PAK6: variants seen among roughly 807,000 people sequenced by gnomAD.
PAK6 encodes p21 (RAC1) activated kinase 6, also known as serine/threonine-protein kinase PAK 6.
A neutral mutation model predicts 60.8 loss-of-function variants in PAK6; 33 were observed. The ratio of observed to expected loss-of-function variants is 0.54; its 90% CI spans 0.41 to 0.73. PAK6 has a LOEUF of 0.73. PAK6 is among the 30% of genes least tolerant of loss of function. The probability of loss-of-function intolerance (pLI) is 0.00; values close to 1 mark genes in which losing one functional copy is unlikely to be tolerated. For missense variants in PAK6, 845 were observed against 904.1 expected (o/e 0.93, Z 0.84); for synonymous variants, 404 against 378.5 (o/e 1.07, Z -0.78).
chr15:40,267,867 C>A (rs976195605), intron 5 of PAK6, among the ~76,000 whole-genome samples: 5 of 152,288 alleles, frequency 3.3e-5, no homozygotes, highest in African/African-American at 1.2e-4. Flanking sequence ...GTGCACCCTG[C>A]TGGGAAGGTG....
At chr15:40,252,124 G>T in intron 2 of PAK6, 1 of 432,968 alleles carries the variant, frequency 2.3e-6, no homozygotes, top group Non-Finnish European at 3.9e-6. Flanking sequence ...GTCCACATGG[G>T]ACAGATCATC....
chr15:40,252,508 G>A (rs778663383), intron 2 of PAK6: 13 of 1,363,434 alleles, frequency 9.5e-6, no homozygotes, highest in South Asian at 4.5e-5. Context: ...CGCGCTCTGG[G>A]TTCGCCGCCG....
At chr15:40,244,000 A>G (rs2038428393) in intron 2 of PAK6, among the ~76,000 whole-genome samples, 1 of 152,200 alleles carries the variant, frequency 6.6e-6, no homozygotes, top group South Asian at 2.1e-4. Context: ...AGGCCACGGC[A>G]GGCTCCTGGA....
At chr15:40,257,816 C>G (rs1014064448) in intron 3 of PAK6, among the ~76,000 whole-genome samples, 8 of 152,104 alleles carry the variant, frequency 5.3e-5, no homozygotes, top group Non-Finnish European at 7.4e-5. Context: ...CACAGTGCAG[C>G]TGCTTTTCTC....
intron 4 of PAK6, 74 bp from the exon 5 acceptor site, chr15:40,265,768 A>G (rs1595592291): frequency 7.3e-7 from 1 of 1,371,852 alleles, no homozygotes; most frequent in Admixed American, 2.5e-5. Flanking sequence ...ACATTCTCTG[A>G]CCCTGATCTC....
chr15:40,252,133 T>G (rs2038686567), intron 2 of PAK6: 1 of 462,402 alleles, frequency 2.2e-6, no homozygotes, highest in Admixed American at 4.1e-5. Flanking sequence ...GGACAGATCA[T>G]CCAAGGTGAC....
chr15:40,264,018 C>A, intron 3 of PAK6: 1 of 449,876 alleles, frequency 2.2e-6, no homozygotes, highest in Non-Finnish European at 4.5e-6. Flanking sequence ...AAGTTAGCTG[C>A]CCCTCACCCA....
At chr15:40,247,848 T>G (rs1301962740) in intron 2 of PAK6, among the ~76,000 whole-genome samples, 1 of 152,178 alleles carries the variant, frequency 6.6e-6, no homozygotes, top group Non-Finnish European at 1.5e-5. Context: ...GGACGAATCC[T>G]GGGATTCTAC....
intron 2 of PAK6, 198 bp from the exon 3 acceptor site, chr15:40,252,980 G>T (rs1228103174): frequency 1.2e-5 from 7 of 585,488 alleles, no homozygotes; most frequent in Non-Finnish European, 1.7e-5. Flanking sequence ...GGGCCGCCCC[G>T]GAAGCGGTGC....
intron 3 of PAK6, chr15:40,264,490 C>T (rs763913912): frequency 7.3e-6 from 4 of 549,772 alleles, no homozygotes; most frequent in South Asian, 4.7e-5. Context: ...TAAAAACACA[C>T]CCCCAGAGTC....
chr15:40,256,587 C>T (rs969013452), intron 3 of PAK6, among the ~76,000 whole-genome samples: 1 of 152,104 alleles, frequency 6.6e-6, no homozygotes, highest in Non-Finnish European at 1.5e-5. Flanking sequence ...TAGGCCCTTC[C>T]CCAGAGTGTC....
intron 2 of PAK6, chr15:40,252,766 T>G: frequency 7.7e-7 from 1 of 1,301,370 alleles, no homozygotes; most frequent in Non-Finnish European, 1.0e-6. Context: ...CCTTCCTGGG[T>G]GCCCATGCCC....
rs957573341 is a variant in PAK6 at position 40,257,860 on chromosome 15, C to T, written c.-6+4571C>T. Among the ~76,000 whole-genome samples, 22 of 152,264 alleles carry T rather than the reference C, an allele frequency of 1.4e-4. No homozygotes were observed. In the East Asian group the frequency reaches 2.1e-3, roughly 15 times the overall value. On this transcript the variant is annotated intron_variant, in intron 3 of 10. Transcript: ENST00000560346. Reference sequence around the variant, plus strand: ...ACACTAGACCAGCCAAGCCTCAGTGCCATGCTCTGGGAATCCCCTTGTCTC... The same window carrying T: ...ACACTAGACCAGCCAAGCCTCAGTGTCATGCTCTGGGAATCCCCTTGTCTC...
chr15:40,261,391 G>A (rs544576406), intron 3 of PAK6, among the ~76,000 whole-genome samples: 1 of 151,946 alleles, frequency 6.6e-6, no homozygotes, highest in Admixed American at 6.5e-5. Context: ...ACAAAAATTA[G>A]CTGGGCGTGA....
At chr15:40,266,178 G>A (rs779450855) in exon 5 of PAK6, 1 of 1,609,190 alleles carries the variant, frequency 6.2e-7, no homozygotes, top group Non-Finnish European at 8.5e-7. Flanking sequence ...ACAGTCCCTG[G>A]GCCCCGCCGA....
chr15:40,275,286 T>C (rs12914263), intron 10 of PAK6, among the ~76,000 whole-genome samples: 1 of 106,170 alleles, frequency 9.4e-6, no homozygotes, highest in Non-Finnish European at 1.9e-5. Flanking sequence ...GTTGGTTTTT[T>C]TTTTTTTTTT....
chr15:40,266,708 G>A (rs1171231344), intron 5 of PAK6: 3 of 502,294 alleles, frequency 6.0e-6, no homozygotes, highest in Non-Finnish European at 1.0e-5. Context: ...TGTGGCTGTT[G>A]TGTTGTTTCC....
At chr15:40,261,906 C>T (rs952784662) in intron 3 of PAK6, among the ~76,000 whole-genome samples, 1 of 152,086 alleles carries the variant, frequency 6.6e-6, no homozygotes, top group African/African-American at 2.4e-5. Flanking sequence ...AGAACTTGTT[C>T]CGGAATGGCT....
At chr15:40,261,026 C>T (rs1043796503) in intron 3 of PAK6, among the ~76,000 whole-genome samples, 9 of 151,574 alleles carry the variant, frequency 5.9e-5, no homozygotes, top group African/African-American at 2.2e-4. Context: ...GTAGCTGGGA[C>T]TACAGGTGCC....
Sources: gnomAD v4.1 joint callset for allele counts (sites outside exome capture counted in the v4.1 genomes callset) on GRCh38, gnomAD v4.1.1 for gene constraint, MANE v1.5 for transcripts, NCBI Gene and HGNC (gene_info 2026-07-23, HGNC 2026-07-21) for gene names.